Variants in OPCML observed in about 807,000 individuals in gnomAD.
The protein encoded by OPCML is opioid binding protein/cell adhesion molecule like.
In OPCML, 13 loss-of-function variants were observed where a neutral mutation model predicts 37.8. That is an observed-to-expected ratio of 0.34 (90% CI 0.22 to 0.55). OPCML has a LOEUF of 0.55. Ranked by LOEUF, OPCML falls within the 20% of genes least tolerant of loss-of-function variation. OPCML has a pLI of 0.91. For synonymous variants in OPCML, 176 were observed against 168.8 expected (o/e 1.04, Z -0.33); for missense variants, 341 against 435.6 (o/e 0.78, Z 1.93).
At chr11:133,020,538 G>A (rs906861140) in intron 1 of OPCML, among the ~76,000 whole-genome samples, 1 of 152,190 alleles carries the variant, frequency 6.6e-6, no homozygotes, top group Non-Finnish European at 1.5e-5. Context: ...TTTAGGTAGT[G>A]GCTCCATCTC....
intron 1 of OPCML, among the ~76,000 whole-genome samples, chr11:133,478,456 C>A (rs939541420): frequency 6.7e-6 from 1 of 149,980 alleles, no homozygotes; most frequent in Non-Finnish European, 1.5e-5. Flanking sequence ...TTGTGTAGAT[C>A]GTGTCATAGT....
chr11:133,337,054 T>G (rs1263511926), intron 1 of OPCML, among the ~76,000 whole-genome samples: 1 of 152,170 alleles, frequency 6.6e-6, no homozygotes, highest in Non-Finnish European at 1.5e-5. Flanking sequence ...GCATCTTATC[T>G]TAGAGGCAAA....
intron 2 of OPCML, among the ~76,000 whole-genome samples, chr11:132,671,271 C>A (rs1227936713): frequency 6.6e-6 from 1 of 151,928 alleles, no homozygotes; most frequent in Admixed American, 6.6e-5. Flanking sequence ...TCATCTTTTC[C>A]AGAATAGTGG....
At chr11:132,466,485 G>GAA (rs61036161) in intron 4 of OPCML, among the ~76,000 whole-genome samples, 65 of 135,084 alleles carry the variant, frequency 4.8e-4, no homozygotes, top group Admixed American at 3.1e-3. Context: ...CTCCGTCTCG[G>GAA]AAAAAAAAAA....
chr11:132,715,661 G>A (rs376598810), intron 2 of OPCML, among the ~76,000 whole-genome samples: 224 of 152,294 alleles, frequency 1.5e-3, no homozygotes, highest in East Asian at 8.1e-3. Flanking sequence ...GAAGATGGCC[G>A]TCTGCAACCT....
intron 1 of OPCML, among the ~76,000 whole-genome samples, chr11:133,059,778 G>A (rs1948306498): frequency 6.6e-6 from 1 of 152,224 alleles, no homozygotes; most frequent in East Asian, 1.9e-4. Flanking sequence ...GTGCTTGAAA[G>A]AAGGATGGAC....
At chr11:132,596,090 G>A (rs934666305) in intron 3 of OPCML, among the ~76,000 whole-genome samples, 1 of 152,184 alleles carries the variant, frequency 6.6e-6, no homozygotes, top group African/African-American at 2.4e-5. Flanking sequence ...CAACCTCCCA[G>A]AGATTGGATT....
At chr11:132,680,710 A>T (rs1942903592) in intron 2 of OPCML, among the ~76,000 whole-genome samples, 1 of 152,208 alleles carries the variant, frequency 6.6e-6, no homozygotes, top group South Asian at 2.1e-4. Context: ...AACACTGTGG[A>T]TAAGCTCTTT....
chr11:132,694,448 C>T (rs1409016612), intron 2 of OPCML, among the ~76,000 whole-genome samples: 1 of 152,014 alleles, frequency 6.6e-6, no homozygotes, highest in African/African-American at 2.4e-5. Flanking sequence ...CTGCCCATCT[C>T]GGCCTCCCAA....
intron 3 of OPCML, among the ~76,000 whole-genome samples, chr11:132,603,023 G>A (rs1349919647): frequency 6.6e-6 from 1 of 152,150 alleles, no homozygotes; most frequent in African/African-American, 2.4e-5. Flanking sequence ...TTAGGCTTCT[G>A]CGTTTTCCTC....
intron 3 of OPCML, among the ~76,000 whole-genome samples, chr11:132,560,762 AC>A (rs1311094506): frequency 4.0e-5 from 6 of 151,632 alleles, no homozygotes; most frequent in African/African-American, 1.5e-4. Context: ...TTCTTAGCCC[AC>A]TTTTTGATGG....
At chr11:132,437,168 C>T in intron 5 of OPCML, 54 bp downstream of exon 5, 1 of 1,597,222 alleles carries the variant, frequency 6.3e-7, no homozygotes, top group Non-Finnish European at 8.6e-7. Flanking sequence ...AGATTGTCCA[C>T]CTACTCCCTG....
At chr11:133,182,676 G>A (rs756180124) in intron 1 of OPCML, among the ~76,000 whole-genome samples, 7 of 152,166 alleles carry the variant, frequency 4.6e-5, no homozygotes, top group South Asian at 2.1e-4. Flanking sequence ...GAGCCAGAGC[G>A]GAGATGCCAA....
intron 1 of OPCML, among the ~76,000 whole-genome samples, chr11:133,069,329 G>A (rs1342964836): frequency 6.6e-6 from 1 of 152,130 alleles, no homozygotes; most frequent in Admixed American, 6.5e-5. Flanking sequence ...TTATTTAAGT[G>A]ACAGAATGCA....
rs58674976 is a variant in OPCML, at chr11:132,937,595, GGTGTGTGTGT to G, written c.146+5321_146+5330del. 7.5e-3 allele frequency among the ~76,000 whole-genome samples: 664 copies of G among 88,822 alleles called. 3 individuals carry two copies. Among genetic ancestry groups the G allele is most frequent in the Non-Finnish European group, 0.013 (505 of 40,096 alleles). The allele number at this position is 88,822 out of a possible 152,430, so 58.3% of individuals were successfully genotyped here. ...TGTGTGGTGTGTGTGGCGTGTGTGG[GGTGTGTGTGT>G]GTGTGTGTGTGTGTGTGTGTGTGTG... On this transcript the variant is annotated intron_variant, in intron 2 of 7. Coordinates refer to ENST00000524381, the MANE Select transcript of OPCML (RefSeq NM_001012393.5).
intron 3 of OPCML, among the ~76,000 whole-genome samples, chr11:132,592,527 G>A (rs1565692483): frequency 6.6e-6 from 1 of 152,222 alleles, no homozygotes; most frequent in Non-Finnish European, 1.5e-5. Context: ...ACTTTGAGCT[G>A]TCTGATGTAT....
chr11:133,008,703 G>T, intron 1 of OPCML: 1 of 219,596 alleles, frequency 4.6e-6, no homozygotes, highest in Non-Finnish European at 7.7e-6. Flanking sequence ...TGCTGCACCA[G>T]AATCTCCACA....
chr11:132,865,188 G>A (rs906201702), intron 2 of OPCML, among the ~76,000 whole-genome samples: 5 of 152,272 alleles, frequency 3.3e-5, no homozygotes, highest in South Asian at 4.2e-4. Context: ...ACACATACGC[G>A]CGCACGCAAA....
chr11:132,696,591 T>C (rs747679416), intron 2 of OPCML, among the ~76,000 whole-genome samples: 14 of 152,154 alleles, frequency 9.2e-5, no homozygotes, highest in South Asian at 2.1e-4. Flanking sequence ...ATTGTTGTAT[T>C]AAAATAAAAT....
Sources: gnomAD v4.1 joint callset for allele counts (sites outside exome capture counted in the v4.1 genomes callset) on GRCh38, gnomAD v4.1.1 for gene constraint, MANE v1.5 for transcripts, NCBI Gene and HGNC (gene_info 2026-07-23, HGNC 2026-07-21) for gene names.